Variants in PCDHGA7 observed in about 807,000 individuals in gnomAD.
PCDHGA7 encodes protocadherin gamma subfamily A, 7.
PCDHGA7 carries 44 observed loss-of-function variants against 58.3 expected under a neutral mutation model. That is an observed-to-expected ratio of 0.75 (90% CI 0.59 to 0.97). The LOEUF is 0.97. PCDHGA7 is among the 50% of genes least tolerant of loss of function. The probability of loss-of-function intolerance (pLI) is 0.00; values close to 1 mark genes in which losing one functional copy is unlikely to be tolerated. For missense variants in PCDHGA7, 1,266 were observed against 1,188.7 expected (o/e 1.06, Z -0.96); for synonymous variants, 516 against 504.2 (o/e 1.02, Z -0.31).
intron 1 of PCDHGA7, chr5:141,413,173 A>G: frequency 6.2e-7 from 1 of 1,600,856 alleles, no homozygotes; most frequent in African/African-American, 1.3e-5. Context: ...TAACCAGACT[A>G]CAATGGCCGC....
chr5:141,490,808 A>C lies in PCDHGA7; in HGVS notation c.2425-3999A>C. On this transcript the variant is annotated intron_variant, in intron 1 of 3. Coordinates refer to ENST00000518325, the MANE Select transcript of PCDHGA7 (RefSeq NM_018920.4). The surrounding 1 kb of genome is among the most constrained non-coding windows in gnomAD (Gnocchi z 5.4). The stretch of plus-strand genomic sequence containing the variant: ...CGGATCTTTGCCCAGCGTACCTTTG[A>C]CTATGAATTGCTGCAGATGCTGCAG... 1 of 1,613,884 alleles carries C rather than the reference A, an allele frequency of 6.2e-7. No homozygotes were observed. The highest frequency in any genetic ancestry group is 8.5e-7 in the Non-Finnish European group (1 of 1,179,874).
intron 1 of PCDHGA7, among the ~76,000 whole-genome samples, chr5:141,483,907 C>T (rs545585133): frequency 6.0e-5 from 9 of 151,124 alleles, no homozygotes; most frequent in Non-Finnish European, 1.0e-4. Flanking sequence ...TGGTGTGTTT[C>T]CCACTCAGAT....
Position 141,486,362 on chromosome 5 carries a change from C to A in PCDHGA7, c.2425-8445C>A. On this transcript the variant is annotated intron_variant, in intron 1 of 3. Coordinates refer to ENST00000518325, the MANE Select transcript of PCDHGA7 (RefSeq NM_018920.4). The surrounding 1 kb of genome is among the most constrained non-coding windows in gnomAD (Gnocchi z 5.0). ...CATTCCTGACCACTTGCCATTTGCC[C>A]TCAAGTCTGCCTTCAGGAACCAGTT... The A allele has an allele frequency of 6.2e-7, 1 of 1,614,132 alleles. No individual in the cohort carries two copies. The highest frequency in any genetic ancestry group is 1.7e-5 in the Admixed American group (1 of 60,024).
At chr5:141,441,386 G>A (rs2098243752) in intron 1 of PCDHGA7, 1 of 153,358 alleles carries the variant, frequency 6.5e-6, no homozygotes, top group African/African-American at 2.4e-5. Flanking sequence ...ACAGACCCAA[G>A]GTATAACATC....
At chr5:141,447,834 C>T (rs2098552835) in intron 1 of PCDHGA7, among the ~76,000 whole-genome samples, 1 of 151,844 alleles carries the variant, frequency 6.6e-6, no homozygotes, top group African/African-American at 2.4e-5. Flanking sequence ...GCCTGTAATC[C>T]CAGTGCTTTG....
chr5:141,410,332 C>T (rs541138780), intron 1 of PCDHGA7: 2 of 1,614,002 alleles, frequency 1.2e-6, no homozygotes, highest in Non-Finnish European at 1.7e-6. Context: ...TGATTCTGGC[C>T]ATTGCCTTGC....
rs767892593 is a variant in PCDHGA7, at chr5:141,400,152, T to C, written c.2424+14829T>C. 8 of 1,614,064 alleles carry C rather than the reference T, an allele frequency of 5.0e-6. 1 individual carries two copies. In the South Asian group the frequency reaches 6.6e-5, roughly 13 times the overall value. Reference sequence around the variant, plus strand: ...TGCTGCCGGATATCACTGACCGCCCTGTACCCTCTGACCCCCAGGCTGAGC... The same window carrying C: ...TGCTGCCGGATATCACTGACCGCCCCGTACCCTCTGACCCCCAGGCTGAGC... On this transcript the variant is annotated intron_variant, in intron 1 of 3. Transcript: ENST00000518325.
intron 3 of PCDHGA7, among the ~76,000 whole-genome samples, chr5:141,505,793 GGACTTGGATC>G (rs2099848390): frequency 6.6e-6 from 1 of 152,142 alleles, no homozygotes; most frequent in Non-Finnish European, 1.5e-5. Flanking sequence ...ACTATCCTTG[GGACTTGGATC>G]GACTTGCTCA....
Position 141,398,941 on chromosome 5 carries a change from G to A in PCDHGA7, c.2424+13618G>A. 4.3e-6 allele frequency: 7 copies of A among 1,613,890 alleles called. No homozygotes were observed. The highest frequency in any genetic ancestry group is 5.9e-6 in the Non-Finnish European group (7 of 1,179,892). ...AGTGTCAGCCACTGACCAAGACGAG[G>A]GCATCAACTCAGAAATTACTTATTC... is the stretch of plus-strand genomic sequence containing the variant. On this transcript the variant is annotated intron_variant, in intron 1 of 3. Transcript: ENST00000518325.
chr5:141,447,516 A>G (rs997127013), intron 1 of PCDHGA7, among the ~76,000 whole-genome samples: 1 of 152,220 alleles, frequency 6.6e-6, no homozygotes, highest in African/African-American at 2.4e-5. Flanking sequence ...ATGCATAACA[A>G]TCATAACAAA....
intron 1 of PCDHGA7, chr5:141,388,607 G>A (rs943233962): frequency 6.2e-7 from 1 of 1,613,904 alleles, no homozygotes; most frequent in Non-Finnish European, 8.5e-7. Context: ...ATGCTCCAGT[G>A]TTCAGTCAAG....
chr5:141,422,485 A>G, intron 1 of PCDHGA7: 2 of 1,613,980 alleles, frequency 1.2e-6, no homozygotes, highest in Non-Finnish European at 1.7e-6. Context: ...CCAGAGCTAC[A>G]ATATAACGTT....
chr5:141,497,413 T>C (rs572922456), intron 2 of PCDHGA7, among the ~76,000 whole-genome samples: 8 of 152,046 alleles, frequency 5.3e-5, no homozygotes, highest in Admixed American at 5.2e-4. Context: ...TCCCATTCCA[T>C]CAAATGAGAG....
At chr5:141,475,840 A>T in intron 1 of PCDHGA7, 1 of 434,888 alleles carries the variant, frequency 2.3e-6, no homozygotes, top group Non-Finnish European at 4.1e-6. Flanking sequence ...TGTCCTGCTC[A>T]GAGAGCCCGG....
At chr5:141,421,483 A>C in intron 1 of PCDHGA7, 4 of 1,614,128 alleles carry the variant, frequency 2.5e-6, no homozygotes, top group Non-Finnish European at 3.4e-6. Context: ...CGGCAGCTTG[A>C]TCACGGCAGG....
chr5:141,436,973 T>C (rs1209787552), intron 1 of PCDHGA7, among the ~76,000 whole-genome samples: 1 of 152,234 alleles, frequency 6.6e-6, no homozygotes, highest in Non-Finnish European at 1.5e-5. Context: ...TTGTGAAACT[T>C]ATTTTAAAGA....
At position 141,477,505 on chromosome 5, in the gene PCDHGA7, C is replaced by T. The variant is rs2099412175; in HGVS notation, c.2425-17302C>T. The T allele has an allele frequency of 5.0e-6, 8 of 1,614,126 alleles. No individual in the cohort carries two copies. Among genetic ancestry groups the T allele is most frequent in the Admixed American group, 1.7e-5 (1 of 60,024 alleles). On this transcript the variant is annotated intron_variant, in intron 1 of 3. Transcript: ENST00000518325. This position sits in a 1 kb window ranked among gnomAD's most constrained non-coding sequence, Gnocchi z 4.9. ...CACAATCTTCTCAATCTTCCTACGACGTTTACATTGAAGAAAACAACCTCC... is the reference window on the plus strand; with the variant it reads ...CACAATCTTCTCAATCTTCCTACGATGTTTACATTGAAGAAAACAACCTCC...
At chr5:141,412,216 T>C (rs1247540521) in intron 1 of PCDHGA7, 1 of 152,244 alleles carries the variant, frequency 6.6e-6, no homozygotes, top group East Asian at 1.9e-4. Context: ...ACATAAACAC[T>C]TACTTGTTAA....
chr5:141,487,135 A>G lies in PCDHGA7; in HGVS notation c.2425-7672A>G. 6.2e-7 allele frequency: 1 copy of G among 1,613,544 alleles called. No individual in the cohort carries two copies. The highest frequency in any genetic ancestry group is 8.5e-7 in the Non-Finnish European group (1 of 1,179,856). ...TGGTAAAGGATAGTGGTAGTCCACC[A>G]CTCTCTACCTCTGTTACTCTCTTAG... On this transcript the variant is annotated intron_variant, in intron 1 of 3. Transcript: ENST00000518325. The surrounding 1 kb of genome is among the most constrained non-coding windows in gnomAD (Gnocchi z 5.0).
Sources: allele counts gnomAD v4.1 joint callset (sites outside exome capture counted in the v4.1 genomes callset), GRCh38; gene constraint gnomAD v4.1.1; non-coding constraint Gnocchi (gnomAD v3.1); transcripts MANE v1.5; gene names NCBI Gene and HGNC (gene_info 2026-07-23, HGNC 2026-07-21).